The following PXDNL variants were observed in gnomAD, a reference collection of about 807,000 sequenced individuals.
The protein encoded by PXDNL is probable oxidoreductase PXDNL.
PXDNL carries 145 observed loss-of-function variants against 150.8 expected under a neutral mutation model. That is an observed-to-expected ratio of 0.96 (90% confidence interval 0.84 to 1.10). The LOEUF (loss-of-function observed/expected upper bound fraction) is 1.10, where lower values mean the gene tolerates loss of function less well. Ranked by LOEUF, PXDNL falls within the 50% of genes least tolerant of loss-of-function variation. The probability of loss-of-function intolerance (pLI) is 0.00; values close to 1 mark genes in which losing one functional copy is unlikely to be tolerated. For synonymous variants in PXDNL, 757 were observed against 725.7 expected, an observed-to-expected ratio of 1.04 and a Z score of -0.69; for missense variants, 2,087 against 1,873.9, an observed-to-expected ratio of 1.11 and a Z score of -2.10.
chr8:51,703,310 G>C (rs901930858), intron 1 of PXDNL, among the ~76,000 whole-genome samples: 4 of 150,978 alleles, frequency 2.6e-5, no homozygotes, highest in African/African-American at 9.7e-5. Context: ...AAAAAAGATA[G>C]TGGCATTTCT....
At chr8:51,617,423 A>G (rs1257750209) in intron 2 of PXDNL, among the ~76,000 whole-genome samples, 1 of 152,258 alleles carries the variant, frequency 6.6e-6, no homozygotes, top group Non-Finnish European at 1.5e-5. Flanking sequence ...TTCTTCAAGT[A>G]TGATGCTTTT....
At chr8:51,624,994 A>G (rs2130742598) in intron 2 of PXDNL, among the ~76,000 whole-genome samples, 1 of 152,254 alleles carries the variant, frequency 6.6e-6, no homozygotes, top group South Asian at 2.1e-4. Flanking sequence ...AATTTTTTAT[A>G]GTTATTATGA....
intron 17 of PXDNL, among the ~76,000 whole-genome samples, chr8:51,381,333 T>C (rs1807530085): frequency 6.6e-6 from 1 of 152,172 alleles, no homozygotes; most frequent in Non-Finnish European, 1.5e-5. Flanking sequence ...TTTCTCTTTA[T>C]TGTTCTGTGT....
chr8:51,427,101 CA>C (rs1349137582), intron 12 of PXDNL, among the ~76,000 whole-genome samples: 3 of 152,130 alleles, frequency 2.0e-5, no homozygotes, highest in African/African-American at 7.2e-5. Flanking sequence ...ACGGTAACAT[CA>C]AAATTTATTT....
chr8:51,526,411 C>T (rs1249038079), intron 4 of PXDNL, among the ~76,000 whole-genome samples: 1 of 151,506 alleles, frequency 6.6e-6, no homozygotes, highest in African/African-American at 2.4e-5. Flanking sequence ...TGATATTCAA[C>T]ATATGAAGCC....
chr8:51,528,827 G>A (rs546773906), intron 4 of PXDNL, among the ~76,000 whole-genome samples: 3 of 152,140 alleles, frequency 2.0e-5, no homozygotes, highest in Non-Finnish European at 2.9e-5. Flanking sequence ...TTCCACAACC[G>A]CAAGAAACTG....
intron 1 of PXDNL, among the ~76,000 whole-genome samples, chr8:51,717,147 G>T (rs769596674): frequency 3.3e-5 from 5 of 152,150 alleles, no homozygotes; most frequent in Non-Finnish European, 7.3e-5. Context: ...GTCTTTACCA[G>T]TGGGAATGAG....
intron 1 of PXDNL, among the ~76,000 whole-genome samples, chr8:51,701,765 G>T (rs914785324): frequency 3.3e-5 from 5 of 151,932 alleles, no homozygotes; most frequent in Non-Finnish European, 7.4e-5. Context: ...GGGAAGTTGA[G>T]ATACTCAACT....
intron 2 of PXDNL, among the ~76,000 whole-genome samples, chr8:51,593,713 C>T (rs1420367542): frequency 6.6e-6 from 1 of 152,160 alleles, no homozygotes; most frequent in Non-Finnish European, 1.5e-5. Flanking sequence ...CTGTTAAATT[C>T]CCCAAACAGC....
chr8:51,567,052 A>C (rs1812844005), intron 3 of PXDNL, among the ~76,000 whole-genome samples: 1 of 151,720 alleles, frequency 6.6e-6, no homozygotes, highest in Admixed American at 6.6e-5. Context: ...GTTACTTATA[A>C]ATGTGTTTAA....
At chr8:51,362,823 G>C (rs533518265) in intron 19 of PXDNL, among the ~76,000 whole-genome samples, 1 of 152,054 alleles carries the variant, frequency 6.6e-6, no homozygotes, top group African/African-American at 2.4e-5. Context: ...CTGCTTCTGT[G>C]TTCATATGTG....
At chr8:51,472,327 G>A (rs1233963597) in intron 7 of PXDNL, 23 bp from the exon 8 acceptor site, 3 of 1,557,738 alleles carry the variant, frequency 1.9e-6, no homozygotes, top group East Asian at 2.2e-5. Flanking sequence ...AATTATTGAT[G>A]TATTTTTCAG....
chr8:51,739,813 T>C (rs1306326174), intron 1 of PXDNL, among the ~76,000 whole-genome samples: 1 of 148,994 alleles, frequency 6.7e-6, no homozygotes. Flanking sequence ...GAGGTGGAGC[T>C]TGCAATGAGC....
chr8:51,442,915 C>A (rs1267787115), intron 12 of PXDNL, among the ~76,000 whole-genome samples: 1 of 152,012 alleles, frequency 6.6e-6, no homozygotes, highest in Non-Finnish European at 1.5e-5. Context: ...ATTCTCTAAG[C>A]AATTTAAGTA....
chr8:51,560,196 C>CA (rs1347581541), intron 3 of PXDNL, among the ~76,000 whole-genome samples: 2 of 151,950 alleles, frequency 1.3e-5, no homozygotes, highest in East Asian at 3.9e-4. Context: ...TTCCCATACT[C>CA]ATGGCCTTAA....
intron 2 of PXDNL, among the ~76,000 whole-genome samples, chr8:51,644,867 C>T (rs1213303520): frequency 6.6e-6 from 1 of 151,810 alleles, no homozygotes; most frequent in African/African-American, 2.4e-5. Flanking sequence ...TGTAGACGGC[C>T]ACATAGGTTA....
chr8:51,352,591 C>A (rs1179797089), intron 19 of PXDNL, among the ~76,000 whole-genome samples: 1 of 152,174 alleles, frequency 6.6e-6, no homozygotes, highest in East Asian at 1.9e-4. Flanking sequence ...CTCCCGCCAC[C>A]TTCTGAAGAA....
chr8:51,507,976 T>C (rs17181677), intron 4 of PXDNL, among the ~76,000 whole-genome samples: 13,111 of 152,212 alleles, frequency 0.086, 771 homozygotes, highest in Admixed American at 0.17. Context: ...AATTGAAGGC[T>C]GCAAGAGCTT....
chr8:51,605,694 A>G lies in PXDNL; in HGVS notation c.237-12996T>C, dbSNP rs76367479. 6.7e-3 allele frequency among the ~76,000 whole-genome samples: 1,025 copies of G among 152,306 alleles called. 5 individuals are homozygous for G. Among genetic ancestry groups the G allele is most frequent in the African/African-American group, 0.023 (974 of 41,572 alleles). On this transcript the variant is annotated intron_variant, in intron 2 of 22. Coordinates refer to ENST00000356297, the MANE Select transcript of PXDNL (RefSeq NM_144651.5). The stretch of plus-strand genomic sequence containing the variant: ...ATTTGAATGTGTCCCCCAAAAGTTC[A>G]TGTGTTGGAAACTTAATCCCTCTGT...
Sources: gnomAD v4.1 joint callset for allele counts (sites outside exome capture counted in the v4.1 genomes callset) on GRCh38, gnomAD v4.1.1 for gene constraint, MANE v1.5 for transcripts, NCBI Gene and HGNC (gene_info 2026-07-23, HGNC 2026-07-21) for gene names.